MYO1D: variants seen among roughly 807,000 people sequenced by gnomAD.
MYO1D encodes myosin ID, also known as unconventional myosin-Id.
A neutral mutation model predicts 122.0 loss-of-function variants in MYO1D; 83 were observed. The observed-to-expected ratio is 0.68, with a 90% CI of 0.57 to 0.82. The LOEUF (loss-of-function observed/expected upper bound fraction) is 0.82, where lower values mean the gene tolerates loss of function less well. MYO1D is among the 40% of genes least tolerant of loss of function. MYO1D has a pLI of 0.00. For missense variants in MYO1D, 1,157 were observed against 1,269.5 expected (o/e 0.91, Z 1.35); for synonymous variants, 464 against 446.9 (o/e 1.04, Z -0.48).
intron 17 of MYO1D, among the ~76,000 whole-genome samples, chr17:32,656,771 G>A (rs997835491): frequency 2.6e-5 from 4 of 152,240 alleles, no homozygotes; most frequent in Admixed American, 2.6e-4. Flanking sequence ...AGGACGCTGT[G>A]ACAGGTGGGT....
chr17:32,595,849 A>AG (rs543006417), intron 21 of MYO1D, among the ~76,000 whole-genome samples: 1 of 152,132 alleles, frequency 6.6e-6, no homozygotes, highest in African/African-American at 2.4e-5. Context: ...GGGAAAGATT[A>AG]GGGGGGTTTG....
At chr17:32,668,617 T>A (rs553806741) in intron 16 of MYO1D, among the ~76,000 whole-genome samples, 21 of 152,246 alleles carry the variant, frequency 1.4e-4, no homozygotes, top group African/African-American at 5.1e-4. Flanking sequence ...CCAATTTCAA[T>A]AAGTTTGGAA....
chr17:32,788,945 T>C (rs964721418), intron 1 of MYO1D, among the ~76,000 whole-genome samples: 2 of 152,356 alleles, frequency 1.3e-5, no homozygotes, highest in South Asian at 2.1e-4. Context: ...GCTTTGTAGT[T>C]TTCCTTGCAA....
chr17:32,747,941 G>C (rs1384200367), intron 12 of MYO1D, among the ~76,000 whole-genome samples: 9 of 152,164 alleles, frequency 5.9e-5, no homozygotes, highest in African/African-American at 2.2e-4. Context: ...GCCAAGGAAT[G>C]TCCAGTGCTA....
intron 16 of MYO1D, among the ~76,000 whole-genome samples, chr17:32,663,928 A>G (rs147584740): frequency 5.8e-4 from 89 of 152,274 alleles, no homozygotes; most frequent in African/African-American, 2.0e-3. Flanking sequence ...TTTGGATGAC[A>G]CTTCTCAAAG....
At chr17:32,566,501 T>C (rs1291796167) in intron 21 of MYO1D, among the ~76,000 whole-genome samples, 4 of 151,866 alleles carry the variant, frequency 2.6e-5, no homozygotes, top group Non-Finnish European at 4.4e-5. Context: ...TGCAGGTAAG[T>C]GCAGGAAAAT....
At chr17:32,748,544 C>T (rs141067528) in intron 12 of MYO1D, among the ~76,000 whole-genome samples, 1 of 152,290 alleles carries the variant, frequency 6.6e-6, no homozygotes, top group East Asian at 1.9e-4. Context: ...TTCCATTCTT[C>T]ATTATAGTGA....
rs115724081 is a variant in MYO1D at position 32,631,795 on chromosome 17, G to A, written c.2709+6927C>T. 3.2e-3 allele frequency among the ~76,000 whole-genome samples: 492 copies of A among 152,300 alleles called. 3 individuals are homozygous for A. The highest frequency in any genetic ancestry group is 0.011 in the African/African-American group (469 of 41,576). On this transcript the variant is annotated intron_variant, in intron 20 of 21. Coordinates refer to ENST00000318217, the MANE Select transcript of MYO1D (RefSeq NM_015194.3). The stretch of plus-strand genomic sequence containing the variant: ...GTCCTTATTCTTCGGAGATGCACAC[G>A]TGTATTTCAAGGGTGAAGTGTCACA...
At position 32,649,567 on chromosome 17, in the gene MYO1D, C is replaced by CTTTTT. The variant is rs35514290; in HGVS notation, c.2595+4271_2595+4275dup. Among the ~76,000 whole-genome samples, 172 of 94,026 alleles carry CTTTTT rather than the reference C, an allele frequency of 1.8e-3. 3 individuals carry two copies. Among genetic ancestry groups the CTTTTT allele is most frequent in the African/African-American group, 5.4e-3 (123 of 22,672 alleles). 61.7% of individuals were successfully genotyped at this position (94,026 alleles called of 152,430 possible). ...TGGCTAAACCACATTTTCTTTCTTTCTTTTTTTTTTTTTTTTTTTTTTGAG... is the reference window on the plus strand; with the variant it reads ...TGGCTAAACCACATTTTCTTTCTTTCTTTTTTTTTTTTTTTTTTTTTTTTTTTGAG... On this transcript the variant is annotated intron_variant, in intron 19 of 21. Transcript: ENST00000318217.
intron 1 of MYO1D, among the ~76,000 whole-genome samples, chr17:32,796,862 C>T (rs746718959): frequency 3.3e-5 from 5 of 152,164 alleles, no homozygotes; most frequent in Admixed American, 2.6e-4. Flanking sequence ...GTATTTCACT[C>T]CATGGGACGG....
At chr17:32,591,453 T>C (rs2150905568) in intron 21 of MYO1D, among the ~76,000 whole-genome samples, 1 of 152,278 alleles carries the variant, frequency 6.6e-6, no homozygotes, top group African/African-American at 2.4e-5. Context: ...CAGGCGGCTC[T>C]TTCTAGGACA....
chr17:32,574,940 T>A (rs374874119), intron 21 of MYO1D, among the ~76,000 whole-genome samples: 17 of 152,236 alleles, frequency 1.1e-4, no homozygotes, highest in Non-Finnish European at 1.6e-4. Context: ...GTTCTTCATA[T>A]GTAAAATGAG....
chr17:32,739,150 AT>A (rs2089744205), intron 13 of MYO1D, among the ~76,000 whole-genome samples: 2 of 152,052 alleles, frequency 1.3e-5, no homozygotes, highest in African/African-American at 4.8e-5. Context: ...GGTGCTTTTG[AT>A]GTTAAAGCAG....
At position 32,773,830 on chromosome 17, in the gene MYO1D, T is replaced by C. The variant is rs192783696; in HGVS notation, c.565-988A>G. On this transcript the variant is annotated intron_variant, in intron 4 of 21. Coordinates refer to ENST00000318217, the MANE Select transcript of MYO1D (RefSeq NM_015194.3). ...TTATTGTCGTACAATGGGCAAATGA[T>C]CTGAGATGCCTGACGTCCAGGCATT... 5.0e-3 allele frequency among the ~76,000 whole-genome samples: 757 copies of C among 152,296 alleles called. 6 individuals are homozygous for C. Among genetic ancestry groups the C allele is most frequent in the Non-Finnish European group, 7.6e-3 (519 of 68,020 alleles).
At chr17:32,721,780 C>G (rs535096617) in intron 14 of MYO1D, among the ~76,000 whole-genome samples, 1 of 152,284 alleles carries the variant, frequency 6.6e-6, no homozygotes, top group East Asian at 1.9e-4. Context: ...AGGAGCTCAG[C>G]TAGCAATCCT....
intron 16 of MYO1D, among the ~76,000 whole-genome samples, chr17:32,694,353 G>C (rs1218782875): frequency 2.0e-5 from 3 of 152,146 alleles, no homozygotes; most frequent in Non-Finnish European, 4.4e-5. Context: ...GCCAGACTAG[G>C]TGGGCACTTT....
rs540620733 is a variant in MYO1D, at chr17:32,700,017, TACAC to T, written c.2121+11967_2121+11970del. On this transcript the variant is annotated intron_variant, in intron 16 of 21. Transcript: ENST00000318217. ...AACAAAATTAGAAAAGTAAAGAAAA[TACAC>T]ACACAAAACATGTATCACCTGGAAA... Among the ~76,000 whole-genome samples, 345 of 151,930 alleles carry T rather than the reference TACAC, an allele frequency of 2.3e-3. 1 individual carries two copies. Among genetic ancestry groups the T allele is most frequent in the African/African-American group, 8.1e-3 (335 of 41,476 alleles).
At chr17:32,495,052 C>T in intron 21 of MYO1D, 137 bp from the exon 22 acceptor site, 1 of 1,104,718 alleles carries the variant, frequency 9.1e-7, no homozygotes, top group Non-Finnish European at 1.3e-6. Context: ...CCTGAAGGGC[C>T]CCAGAGAGGC....
intron 20 of MYO1D, among the ~76,000 whole-genome samples, chr17:32,634,497 AT>A (rs1414727906): frequency 6.6e-6 from 1 of 152,214 alleles, no homozygotes; most frequent in East Asian, 1.9e-4. Flanking sequence ...AGTTCAATGC[AT>A]TAGGAGATGT....
Sources: gnomAD v4.1 joint callset for allele counts (sites outside exome capture counted in the v4.1 genomes callset) on GRCh38, gnomAD v4.1.1 for gene constraint, MANE v1.5 for transcripts, NCBI Gene and HGNC (gene_info 2026-07-23, HGNC 2026-07-21) for gene names.